ATP8B1: variants seen among roughly 807,000 people sequenced by gnomAD.
The protein encoded by ATP8B1 is ATPase phospholipid transporting 8B1, also known as phospholipid-transporting ATPase IC.
Under a neutral mutation model 149.9 loss-of-function variants are expected in ATP8B1, and 80 were observed. That is an observed-to-expected ratio of 0.53 (90% CI 0.45 to 0.64). ATP8B1 has a LOEUF of 0.64. Among genes scored for constraint, ATP8B1 ranks in the 30% least tolerant of loss-of-function variants. ATP8B1 has a pLI of 0.00. For synonymous variants in ATP8B1, 536 were observed against 562.8 expected (o/e 0.95, Z 0.67); for missense variants, 1,247 against 1,552.6 (o/e 0.80, Z 3.31).
chr18:57,772,965 C>G (rs999850006), intron 1 of ATP8B1, among the ~76,000 whole-genome samples: 2 of 152,056 alleles, frequency 1.3e-5, no homozygotes, highest in African/African-American at 4.8e-5. Flanking sequence ...AATGATAACC[C>G]TAGGCCTGGA....
At position 57,761,694 on chromosome 18, in the gene ATP8B1, T is replaced by C. The variant is rs185489847; in HGVS notation, c.-25-29862A>G. ...ACTAGGCCAGGTACAGTGGCTCACG[T>C]CTGTAATCCCAGCACTTTGGGAGGC... On this transcript the variant is annotated intron_variant, in intron 1 of 27. Transcript: ENST00000648908. 2.0e-5 allele frequency among the ~76,000 whole-genome samples: 3 copies of C among 151,268 alleles called. No individual in the cohort carries two copies. In the East Asian group the frequency reaches 5.9e-4, roughly 29 times the overall value.
At chr18:57,755,028 G>C (rs1216600804) in intron 1 of ATP8B1, among the ~76,000 whole-genome samples, 2 of 152,256 alleles carry the variant, frequency 1.3e-5, no homozygotes, top group South Asian at 4.1e-4. Context: ...AAGTGGTTTT[G>C]TTTATGGTGT....
At chr18:57,749,158 T>C (rs1480938345) in intron 1 of ATP8B1, among the ~76,000 whole-genome samples, 1 of 152,204 alleles carries the variant, frequency 6.6e-6, no homozygotes, top group Non-Finnish European at 1.5e-5. Context: ...CAATCAATGT[T>C]TGCTTCCCCT....
chr18:57,759,857 A>G (rs899544214), intron 1 of ATP8B1, among the ~76,000 whole-genome samples: 23 of 151,416 alleles, frequency 1.5e-4, no homozygotes, highest in African/African-American at 5.6e-4. Context: ...TGGATGACTC[A>G]GAATAGGCCA....
At chr18:57,731,884 G>C in intron 1 of ATP8B1, 52 bp from the exon 2 acceptor site, 1 of 1,510,520 alleles carries the variant, frequency 6.6e-7, no homozygotes, top group Non-Finnish European at 9.2e-7. Flanking sequence ...CCAGTTTTTG[G>C]TTGAATACTG....
intron 1 of ATP8B1, among the ~76,000 whole-genome samples, chr18:57,780,542 T>C (rs956529896): frequency 6.6e-6 from 1 of 152,098 alleles, no homozygotes; most frequent in African/African-American, 2.4e-5. Flanking sequence ...AAAACAAGCT[T>C]CTTGAAAGAT....
intron 1 of ATP8B1, among the ~76,000 whole-genome samples, chr18:57,757,831 G>A (rs1027493519): frequency 1.3e-5 from 2 of 152,130 alleles, no homozygotes; most frequent in African/African-American, 4.8e-5. Context: ...CCCAACTTTA[G>A]ACAAGATGGA....
chr18:57,765,271 GT>G (rs2080199669), intron 1 of ATP8B1, among the ~76,000 whole-genome samples: 2 of 152,234 alleles, frequency 1.3e-5, no homozygotes, highest in African/African-American at 4.8e-5. Context: ...AAGGGGAGTT[GT>G]TTAATGAGTG....
At chr18:57,707,881 G>A (rs1310625535) in intron 2 of ATP8B1, among the ~76,000 whole-genome samples, 3 of 151,798 alleles carry the variant, frequency 2.0e-5, no homozygotes, top group African/African-American at 7.3e-5. Context: ...TGTAGGCCGA[G>A]CATGGTGGCT....
chr18:57,725,342 C>T (rs1453314992), intron 2 of ATP8B1, among the ~76,000 whole-genome samples: 1 of 151,708 alleles, frequency 6.6e-6, no homozygotes, highest in African/African-American at 2.4e-5. Flanking sequence ...AAGATCTCTG[C>T]AATCAAAACT....
Position 57,724,028 on chromosome 18 carries a change from G to A in ATP8B1, c.181+7599C>T, listed in dbSNP as rs7241087. On this transcript the variant is annotated intron_variant, in intron 2 of 27. Transcript: ENST00000648908. ...GATTCCCTATTTAATAAATGGTGCT[G>A]GGAAAACTGGCTAGCCATATGTAGG... 1.9e-3 allele frequency among the ~76,000 whole-genome samples: 287 copies of A among 151,520 alleles called. 1 individual carries two copies. Among genetic ancestry groups the A allele is most frequent in the African/African-American group, 6.8e-3 (280 of 41,122 alleles).
chr18:57,651,781 G>A (rs1172893464), intron 26 of ATP8B1, among the ~76,000 whole-genome samples: 1 of 151,502 alleles, frequency 6.6e-6, no homozygotes, highest in Non-Finnish European at 1.5e-5. Flanking sequence ...ACAGGCATGT[G>A]CCACCATGCC....
chr18:57,652,842 G>A, intron 24 of ATP8B1, 113 bp from the exon 25 acceptor site: 2 of 1,344,442 alleles, frequency 1.5e-6, no homozygotes, highest in Non-Finnish European at 1.1e-6. Flanking sequence ...TTTTAGGAAG[G>A]CAAAAACTGA....
At chr18:57,711,011 T>C (rs1355569724) in intron 2 of ATP8B1, among the ~76,000 whole-genome samples, 1 of 152,190 alleles carries the variant, frequency 6.6e-6, no homozygotes, top group African/African-American at 2.4e-5. Context: ...AGATAGTAGT[T>C]TTTATCCTAT....
At chr18:57,768,183 C>G (rs560376532) in intron 1 of ATP8B1, among the ~76,000 whole-genome samples, 9 of 151,802 alleles carry the variant, frequency 5.9e-5, no homozygotes, top group Admixed American at 5.3e-4. Context: ...GTCAGGAGTT[C>G]GAGACCAGCC....
In ATP8B1 at chr18:57,694,643, C is replaced by G; in HGVS notation, c.968G>C (p.Ser323Thr). 6.3e-7 allele frequency: 1 copy of G among 1,595,326 alleles called. No homozygotes were observed. The highest frequency in any genetic ancestry group is 8.6e-7 in the Non-Finnish European group (1 of 1,163,108). Residue 323 changes from serine to threonine, a missense_variant, in exon 11 of 28, where the codon AGT becomes ACT. Ser to Thr is a moderately conservative substitution (Grantham distance 58, BLOSUM62 1). Around this residue, in one of 3 missense-constraint regions of ATP8B1, gnomAD observed 853 missense variants for 1,035.7 expected, o/e 0.82. Transcript: ENST00000648908. Reference sequence around the variant, plus strand: ...AGTTCTTTTAAATCTGGTTTTCCCACTATTCTTCATTATTTTAGTGTCAGC... The same window carrying G: ...AGTTCTTTTAAATCTGGTTTTCCCAGTATTCTTCATTATTTTAGTGTCAGC... ...AGADTKIMKNSGKTRFKRTKI... is the reference protein window; with the variant it reads ...AGADTKIMKNTGKTRFKRTKI...
intron 20 of ATP8B1, among the ~76,000 whole-genome samples, chr18:57,663,553 AAC>A (rs764081347): frequency 1.2e-4 from 19 of 152,172 alleles, no homozygotes; most frequent in Non-Finnish European, 2.2e-4. Flanking sequence ...TTTCATCAAC[AAC>A]ACACAAAGGT....
chr18:57,656,421 T>A (rs536627318), intron 22 of ATP8B1, among the ~76,000 whole-genome samples: 2 of 150,870 alleles, frequency 1.3e-5, no homozygotes, highest in African/African-American at 4.9e-5. Flanking sequence ...AGTCTCACTC[T>A]GTCACCCAGG....
intron 1 of ATP8B1, among the ~76,000 whole-genome samples, chr18:57,771,952 C>T (rs1245366850): frequency 1.3e-5 from 2 of 152,134 alleles, no homozygotes; most frequent in Non-Finnish European, 2.9e-5. Context: ...ACTAATTAGT[C>T]GGCAGACATC....
Sources: gnomAD v4.1 joint callset for allele counts (sites outside exome capture counted in the v4.1 genomes callset) on GRCh38, gnomAD v4.1.1 for gene constraint, gnomAD v4.1.1 regional missense constraint, MANE v1.5 for transcripts, NCBI Gene and HGNC (gene_info 2026-07-23, HGNC 2026-07-21) for gene names.